CDYL2: variants seen among roughly 807,000 people sequenced by gnomAD.
The protein encoded by CDYL2 is chromodomain Y-like protein 2.
Under a neutral mutation model 49.4 loss-of-function variants are expected in CDYL2, and 23 were observed. The ratio of observed to expected loss-of-function variants is 0.47; its 90% CI spans 0.34 to 0.66. The LOEUF (loss-of-function observed/expected upper bound fraction) is 0.66. Ranked by LOEUF, CDYL2 falls within the 30% of genes least tolerant of loss-of-function variation. The probability of loss-of-function intolerance (pLI) is 0.01; values close to 1 mark genes in which losing one functional copy is unlikely to be tolerated. For synonymous variants in CDYL2, 360 were observed against 268.8 expected, an observed-to-expected ratio of 1.34 and a Z score of -3.32; for missense variants, 678 against 656.4, an observed-to-expected ratio of 1.03 and a Z score of -0.36.
intron 2 of CDYL2, among the ~76,000 whole-genome samples, chr16:80,662,222 A>C (rs1482389781): frequency 6.6e-6 from 1 of 152,194 alleles, no homozygotes; most frequent in Non-Finnish European, 1.5e-5. Flanking sequence ...CCTCTCAAAG[A>C]CACCCAAGGA....
At chr16:80,732,426 A>G (rs1307274697) in intron 1 of CDYL2, among the ~76,000 whole-genome samples, 1 of 152,128 alleles carries the variant, frequency 6.6e-6, no homozygotes, top group African/African-American at 2.4e-5. Context: ...CACAGGTTGC[A>G]ATACGGAAAA....
intron 1 of CDYL2, among the ~76,000 whole-genome samples, chr16:80,694,903 T>A (rs1910560035): frequency 6.6e-6 from 1 of 152,010 alleles, no homozygotes; most frequent in African/African-American, 2.4e-5. Flanking sequence ...CGGGAATATA[T>A]CAAAAGGGCC....
intron 1 of CDYL2, among the ~76,000 whole-genome samples, chr16:80,739,827 C>G (rs111951532): frequency 2.0e-5 from 3 of 152,212 alleles, no homozygotes; most frequent in Non-Finnish European, 2.9e-5. Flanking sequence ...AAGCCTCACA[C>G]TGGGGACCTG....
chr16:80,655,403 A>G (rs954476506), intron 2 of CDYL2, among the ~76,000 whole-genome samples: 10 of 152,146 alleles, frequency 6.6e-5, no homozygotes, highest in Non-Finnish European at 5.9e-5. Context: ...GCCCTCATGG[A>G]GCTTGCTTTG....
At chr16:80,637,132 C>A in intron 2 of CDYL2, among the ~76,000 whole-genome samples, 1 of 151,824 alleles carries the variant, frequency 6.6e-6, no homozygotes, top group Non-Finnish European at 1.5e-5. Flanking sequence ...CAGCAAACCA[C>A]CATGGCACGT....
intron 1 of CDYL2, among the ~76,000 whole-genome samples, chr16:80,799,559 T>C (rs904762270): frequency 6.6e-6 from 1 of 152,258 alleles, no homozygotes; most frequent in South Asian, 2.1e-4. Context: ...ATCCAAATCT[T>C]GGTAATCTAA....
intron 1 of CDYL2, among the ~76,000 whole-genome samples, chr16:80,719,892 A>G (rs1427581141): frequency 6.6e-6 from 1 of 152,132 alleles, no homozygotes; most frequent in East Asian, 1.9e-4. Flanking sequence ...CTGCTGTCCA[A>G]CCCTGGCCCT....
At chr16:80,642,848 TG>T (rs1035131033) in intron 2 of CDYL2, among the ~76,000 whole-genome samples, 1 of 152,202 alleles carries the variant, frequency 6.6e-6, no homozygotes, top group African/African-American at 2.4e-5. Flanking sequence ...ATGGGAATTA[TG>T]GGAGTACAAT....
chr16:80,638,218 G>A lies in CDYL2; in HGVS notation c.617-4982C>T, dbSNP rs1178314475. Reference sequence around the variant, plus strand: ...GCCTCCCAAGTAGCTGGGACTACAGGCATGTGGTAACACACCTGGCTATTT... The same window carrying A: ...GCCTCCCAAGTAGCTGGGACTACAGACATGTGGTAACACACCTGGCTATTT... On this transcript the variant is annotated intron_variant, in intron 2 of 6. Transcript: ENST00000570137. Among the ~76,000 whole-genome samples, 5 of 152,164 alleles carry A rather than the reference G, an allele frequency of 3.3e-5. No homozygotes were observed. In the South Asian group the frequency reaches 1.0e-3, roughly 32 times the overall value.
At chr16:80,740,971 T>C (rs950800818) in intron 1 of CDYL2, among the ~76,000 whole-genome samples, 2 of 151,824 alleles carry the variant, frequency 1.3e-5, no homozygotes, top group Non-Finnish European at 2.9e-5. Context: ...TCTGGATTTT[T>C]TAAACTTGAC....
chr16:80,630,095 T>G (rs1907489909), intron 3 of CDYL2, among the ~76,000 whole-genome samples: 2 of 152,232 alleles, frequency 1.3e-5, no homozygotes, highest in South Asian at 4.1e-4. Context: ...CACAGCCTCT[T>G]CATTTCAGTA....
In CDYL2 at chr16:80,612,833, G is replaced by C; in HGVS notation, c.1011C>G (p.Asp337Glu). ...ESTRIAEAIR[D>E]FVKAFIQFKK... ...TAAACTGGATAAAGGCCTTCACAAA[G>C]TCCCTGGGAGAGAAAGAAGATCCTC... The change falls in exon 5 of 7, where the codon GAC becomes GAG. Residue 337 changes from aspartate to glutamate, a missense_variant. Coordinates refer to ENST00000570137, the MANE Select transcript of CDYL2 (RefSeq NM_152342.4). This position sits in a 1 kb window ranked among gnomAD's most constrained non-coding sequence, Gnocchi z 5.0. 1 of 1,605,554 alleles carries C rather than the reference G, an allele frequency of 6.2e-7. No individual in the cohort carries two copies. The highest frequency in any genetic ancestry group is 1.1e-5 in the South Asian group (1 of 90,170).
chr16:80,710,236 G>A lies in CDYL2; in HGVS notation c.25-25107C>T, dbSNP rs559607805. Among the ~76,000 whole-genome samples, 9 of 152,210 alleles carry A rather than the reference G, an allele frequency of 5.9e-5. No individual in the cohort carries two copies. In the East Asian group the frequency reaches 1.7e-3, roughly 29 times the overall value. ...GCCACCATGCCTGGCCTGGCAGGCT[G>A]ATTTTTAAGAATGCTCAAGTCATAT... On this transcript the variant is annotated intron_variant, in intron 1 of 6. Transcript: ENST00000570137.
intron 1 of CDYL2, among the ~76,000 whole-genome samples, chr16:80,780,146 C>G (rs371239143): frequency 1.3e-5 from 2 of 151,948 alleles, no homozygotes; most frequent in South Asian, 2.1e-4. Context: ...GAAAAATAAG[C>G]CTTGCATGCA....
At chr16:80,780,727 A>G (rs1175755267) in intron 1 of CDYL2, among the ~76,000 whole-genome samples, 5 of 152,120 alleles carry the variant, frequency 3.3e-5, no homozygotes, top group Admixed American at 2.6e-4. Flanking sequence ...TCTTAAAAGC[A>G]TTTGACAAAA....
At chr16:80,645,491 G>A (rs74567949) in intron 2 of CDYL2, among the ~76,000 whole-genome samples, 2 of 151,882 alleles carry the variant, frequency 1.3e-5, no homozygotes, top group Non-Finnish European at 2.9e-5. Flanking sequence ...AACAACAGGT[G>A]CTGGAGAGGA....
At position 80,612,937 on chromosome 16, in the gene CDYL2, C is replaced by G. The variant is rs1341865222; in HGVS notation, c.1008-101G>C. 1.8e-6 allele frequency: 2 copies of G among 1,113,144 alleles called. No homozygotes were observed. The highest frequency in any genetic ancestry group is 2.5e-6 in the Non-Finnish European group (2 of 796,688). The allele number at this position is 1,113,144 out of a possible 1,614,324, so 69.0% of individuals were successfully genotyped here. A position where few individuals can be genotyped will look rare whatever the true frequency, so the allele number is the denominator to read the frequency against. Reference sequence around the variant, plus strand: ...GGTGCTGTGAGGAGCACCCTCAGGTCGTCAGAGGTTAGAGGTGCCAGGCAA... The same window carrying G: ...GGTGCTGTGAGGAGCACCCTCAGGTGGTCAGAGGTTAGAGGTGCCAGGCAA... On this transcript the variant is annotated intron_variant, in intron 4 of 6. Transcript: ENST00000570137. This position sits in a 1 kb window ranked among gnomAD's most constrained non-coding sequence, Gnocchi z 5.0.
intron 1 of CDYL2, among the ~76,000 whole-genome samples, chr16:80,791,514 G>C (rs990661270): frequency 6.6e-6 from 1 of 152,140 alleles, no homozygotes; most frequent in Non-Finnish European, 1.5e-5. Context: ...AGAAGAAAAG[G>C]GTTCCACAGG....
chr16:80,617,985 A>T (rs1906906581), intron 4 of CDYL2, among the ~76,000 whole-genome samples: 1 of 152,182 alleles, frequency 6.6e-6, no homozygotes, highest in Admixed American at 6.5e-5. Flanking sequence ...GTTGCCAAGC[A>T]TCAGGGTCTT....
Sources: allele counts gnomAD v4.1 joint callset (sites outside exome capture counted in the v4.1 genomes callset), GRCh38; gene constraint gnomAD v4.1.1; non-coding constraint Gnocchi (gnomAD v3.1); transcripts MANE v1.5; gene names NCBI Gene and HGNC (gene_info 2026-07-23, HGNC 2026-07-21).